MAMLD1: variants seen among roughly 807,000 people sequenced by gnomAD.
MAMLD1 encodes the protein mastermind like domain containing 1, also known as mastermind-like domain-containing protein 1.
In MAMLD1, 14 loss-of-function variants were observed where a neutral mutation model predicts 45.0. That is an observed-to-expected ratio of 0.31 (90% CI 0.21 to 0.49). The LOEUF is 0.49. Among genes scored for constraint, MAMLD1 ranks in the 20% least tolerant of loss-of-function variants. The pLI is 0.99. For missense variants in MAMLD1, 543 were observed against 603.6 expected (o/e 0.90, Z 1.05); for synonymous variants, 254 against 247.8 (o/e 1.02, Z -0.24).
intron 1 of MAMLD1, among the ~76,000 whole-genome samples, chrX:150,424,804 CA>C (rs1426958594): frequency 8.9e-6 from 1 of 111,998 alleles, no homozygotes; most frequent in African/African-American, 3.2e-5. Context: ...AGTGTTTTCA[CA>C]GAGATGTGCA....
intron 1 of MAMLD1, chrX:150,421,056 T>A (rs2034489541): frequency 8.6e-6 from 1 of 116,296 alleles, no homozygotes; most frequent in Non-Finnish European, 1.8e-5. Flanking sequence ...GCCTTGCAGT[T>A]TGATCTGACT....
intron 5 of MAMLD1, among the ~76,000 whole-genome samples, chrX:150,477,351 A>G (rs1557406896): frequency 8.9e-6 from 1 of 112,591 alleles, no homozygotes; most frequent in East Asian, 2.8e-4. Flanking sequence ...CCCGAAACCC[A>G]GAACACCAGT....
At chrX:150,481,994 AAGAAAGAAAGAAAG>A (rs1415762433) in intron 5 of MAMLD1, among the ~76,000 whole-genome samples, 4 of 105,241 alleles carry the variant, frequency 3.8e-5, no homozygotes, top group Non-Finnish European at 3.9e-5. Context: ...GAAAGAAAGA[AAGAAAGAAAGAAAG>A]AAAGAAAGAA....
chrX:150,368,848 G>A (rs2031736024), intron 1 of MAMLD1, among the ~76,000 whole-genome samples: 1 of 111,850 alleles, frequency 8.9e-6, no homozygotes. Flanking sequence ...TTTTTGTCAG[G>A]TTTGTCAAAG....
chrX:150,440,932 AT>A (rs1187501823), intron 1 of MAMLD1, among the ~76,000 whole-genome samples: 3 of 104,573 alleles, frequency 2.9e-5, no homozygotes, highest in African/African-American at 1.0e-4. Flanking sequence ...TAAATATAAT[AT>A]TATTATTTAT....
chrX:150,417,806 T>G (rs1227282830), intron 1 of MAMLD1, among the ~76,000 whole-genome samples: 1 of 110,058 alleles, frequency 9.1e-6, no homozygotes, highest in Non-Finnish European at 1.9e-5. Flanking sequence ...CATAAATGTC[T>G]TCTTTTGAGA....
At chrX:150,496,028 T>C in intron 5 of MAMLD1, among the ~76,000 whole-genome samples, 1 of 112,974 alleles carries the variant, frequency 8.9e-6, no homozygotes, top group Non-Finnish European at 1.9e-5. Flanking sequence ...CTTACTGTAG[T>C]TTTAATGAGA....
chrX:150,469,771 A>G lies in MAMLD1; in HGVS notation c.198A>G (p.Glu66=). The part of the protein sequence containing the change: ...HQGTVKRRQE[E]DHFQFPDMAD... ...GAACTGTTAAGAGGAGACAAGAAGA[A>G]GACCACTTCCAGTTTCCAGACATGG... Residue 66 remains glutamate (E), a synonymous_variant, in exon 4 of 8, where the codon GAA becomes GAG. Coordinates refer to ENST00000370401, the MANE Select transcript of MAMLD1 (RefSeq NM_005491.5). The G allele has an allele frequency of 8.3e-7, 1 of 1,210,872 alleles. No homozygotes were observed.
intron 5 of MAMLD1, among the ~76,000 whole-genome samples, chrX:150,488,162 A>G (rs939225052): frequency 1.2e-4 from 13 of 112,415 alleles, no homozygotes; most frequent in Non-Finnish European, 1.9e-4. Context: ...GGTGCCTTCC[A>G]GTGCCCAAGG....
chrX:150,503,855 T>G (rs1455503657), intron 6 of MAMLD1, among the ~76,000 whole-genome samples: 1 of 112,046 alleles, frequency 8.9e-6, no homozygotes, highest in Non-Finnish European at 1.9e-5. Flanking sequence ...TTTCCATACC[T>G]ACCTGCCTGT....
chrX:150,513,882 A>G lies in MAMLD1; in HGVS notation c.*1923A>G, dbSNP rs1557409377. 1 of 296,199 alleles carries G rather than the reference A, an allele frequency of 3.4e-6. No homozygotes were observed. The highest frequency in any genetic ancestry group is 2.7e-5 in the African/African-American group (1 of 36,483). 24.4% of individuals were successfully genotyped at this position (296,199 alleles called of 1,213,427 possible). Reference sequence around the variant, plus strand: ...AGCTGTTCCTGGTTTAAAGCCTTTCAGTATTTGTTTTGATGTAAGGCTCTG... The same window carrying G: ...AGCTGTTCCTGGTTTAAAGCCTTTCGGTATTTGTTTTGATGTAAGGCTCTG... On this transcript the variant is annotated 3_prime_UTR_variant, in exon 8 of 8. Coordinates refer to ENST00000370401, the MANE Select transcript of MAMLD1 (RefSeq NM_005491.5).
intron 5 of MAMLD1, among the ~76,000 whole-genome samples, chrX:150,494,833 G>A (rs1435515224): frequency 1.8e-5 from 2 of 111,274 alleles, no homozygotes; most frequent in Non-Finnish European, 3.8e-5. Flanking sequence ...TCAGTGAGCC[G>A]TGATTGCACT....
At chrX:150,437,381 C>T (rs782512135) in intron 1 of MAMLD1, among the ~76,000 whole-genome samples, 13 of 111,562 alleles carry the variant, frequency 1.2e-4, no homozygotes, top group Admixed American at 4.8e-4. Context: ...ATTTTCTTGC[C>T]TTATTGGACT....
chrX:150,480,207 T>G (rs782384430), intron 5 of MAMLD1, among the ~76,000 whole-genome samples: 1 of 112,123 alleles, frequency 8.9e-6, no homozygotes, highest in East Asian at 2.8e-4. Flanking sequence ...GGGCCTGCCC[T>G]GTAAAACAAC....
intron 6 of MAMLD1, among the ~76,000 whole-genome samples, chrX:150,505,493 G>A (rs1430709028): frequency 4.5e-5 from 5 of 112,257 alleles, no homozygotes; most frequent in African/African-American, 1.6e-4. Context: ...GTGACAGAGG[G>A]ACTGACTGGA....
chrX:150,423,806 G>A (rs1438682193), intron 1 of MAMLD1, among the ~76,000 whole-genome samples: 1 of 112,274 alleles, frequency 8.9e-6, no homozygotes, highest in African/African-American at 3.2e-5. Flanking sequence ...TGAATTTTCA[G>A]TTTGGACTGC....
chrX:150,425,650 G>A (rs1174788084), intron 1 of MAMLD1, among the ~76,000 whole-genome samples: 8 of 111,576 alleles, frequency 7.2e-5, no homozygotes, highest in East Asian at 2.8e-4. Context: ...AGATCCATTC[G>A]GGAGATCATT....
chrX:150,380,465 C>T (rs782550087), intron 1 of MAMLD1, among the ~76,000 whole-genome samples: 2 of 111,009 alleles, frequency 1.8e-5, no homozygotes, highest in South Asian at 3.8e-4. Flanking sequence ...AGTAATTTCA[C>T]TTAATTGGTT....
chrX:150,476,023 C>A (rs2036572492), intron 5 of MAMLD1, among the ~76,000 whole-genome samples: 1 of 112,020 alleles, frequency 8.9e-6, no homozygotes, highest in South Asian at 3.7e-4. Flanking sequence ...TAAGGAAGTC[C>A]AGAGTCAACT....
Sources: allele counts gnomAD v4.1 joint callset (sites outside exome capture counted in the v4.1 genomes callset), GRCh38; gene constraint gnomAD v4.1.1; transcripts MANE v1.5; gene names NCBI Gene and HGNC (gene_info 2026-07-23, HGNC 2026-07-21).